The following APBB1 variants were observed in gnomAD, a reference collection of about 807,000 sequenced individuals.
APBB1 encodes the protein amyloid beta precursor protein binding family B member 1.
Under a neutral mutation model 78.4 loss-of-function variants are expected in APBB1, and 22 were observed. The ratio of observed to expected loss-of-function variants is 0.28; its 90% CI spans 0.20 to 0.40. The LOEUF (loss-of-function observed/expected upper bound fraction) is 0.40, where lower values mean the gene tolerates loss of function less well. Among genes scored for constraint, APBB1 ranks in the 10% least tolerant of loss-of-function variants. The probability of loss-of-function intolerance (pLI) is 1.00; values close to 1 mark genes in which losing one functional copy is unlikely to be tolerated. For missense variants in APBB1, 749 were observed against 932.4 expected, an observed-to-expected ratio of 0.80 and a Z score of 2.56; for synonymous variants, 369 against 372.7, an observed-to-expected ratio of 0.99 and a Z score of 0.12.
chr11:6,405,144 A>C, intron 2 of APBB1: 1 of 1,244,452 alleles, frequency 8.0e-7, no homozygotes, highest in Non-Finnish European at 1.0e-6. Context: ...TCAGTGCCTA[A>C]GCCAAGCCCA....
chr11:6,396,758 G>A (rs752650124), intron 12 of APBB1, among the ~76,000 whole-genome samples: 10 of 152,152 alleles, frequency 6.6e-5, no homozygotes, highest in African/African-American at 4.8e-5. Context: ...ATAAGGAAAC[G>A]GAAGAGATAG....
chr11:6,408,000 C>T (rs970668538), intron 2 of APBB1, among the ~76,000 whole-genome samples: 1 of 151,806 alleles, frequency 6.6e-6, no homozygotes, highest in African/African-American at 2.4e-5. Context: ...AGTATGGTCT[C>T]GATCTCCTGA....
chr11:6,399,711 G>T (rs946458897), intron 12 of APBB1, among the ~76,000 whole-genome samples: 1 of 152,188 alleles, frequency 6.6e-6, no homozygotes, highest in Non-Finnish European at 1.5e-5. Context: ...TGCACTCTCG[G>T]AGACTTCAAT....
intron 2 of APBB1, among the ~76,000 whole-genome samples, chr11:6,410,147 C>T (rs372444557): frequency 1.3e-5 from 2 of 151,734 alleles, no homozygotes; most frequent in East Asian, 3.9e-4. Flanking sequence ...TATGCATTGG[C>T]GGCAGCATAA....
At chr11:6,399,921 C>T (rs2099506894) in intron 12 of APBB1, among the ~76,000 whole-genome samples, 2 of 151,714 alleles carry the variant, frequency 1.3e-5, no homozygotes, top group Admixed American at 1.3e-4. Flanking sequence ...CACTTGACCG[C>T]ATTCACTTCT....
Position 6,403,133 on chromosome 11 carries a change from T to C in APBB1, c.1104+12A>G. ...GCCCCAGACTCAGAATGGGTGTCAGTCTTGAACAAACCTTGATCCCTGGGT... is the reference window on the plus strand; with the variant it reads ...GCCCCAGACTCAGAATGGGTGTCAGCCTTGAACAAACCTTGATCCCTGGGT... On this transcript the variant is annotated intron_variant, in intron 6 of 14. Coordinates refer to ENST00000609360, the MANE Select transcript of APBB1 (RefSeq NM_001164.5). The surrounding 1 kb of genome is among the most constrained non-coding windows in gnomAD (Gnocchi z 5.3). 1 of 1,606,036 alleles carries C rather than the reference T, an allele frequency of 6.2e-7. No homozygotes were observed. The highest frequency in any genetic ancestry group is 8.5e-7 in the Non-Finnish European group (1 of 1,176,480).
chr11:6,412,726 C>T (rs1384459591), intron 1 of APBB1, among the ~76,000 whole-genome samples: 1 of 152,168 alleles, frequency 6.6e-6, no homozygotes, highest in Non-Finnish European at 1.5e-5. Context: ...AGAGCAGGAA[C>T]TCCATTAATA....
At position 6,402,705 on chromosome 11, in the gene APBB1, T is replaced by G. The variant is rs1848588801; in HGVS notation, c.1125A>C (p.Leu375=). The G allele has an allele frequency of 6.2e-7, 1 of 1,613,938 alleles. No individual in the cohort carries two copies. The highest frequency in any genetic ancestry group is 8.5e-7 in the Non-Finnish European group (1 of 1,179,956). Residue 375 remains leucine, a synonymous_variant, in exon 7 of 15, where the codon CTA becomes CTC. Coordinates refer to ENST00000609360, the MANE Select transcript of APBB1 (RefSeq NM_001164.5). ...CCTCCTCGGTCATCTCTACCCAGCC[T>G]AGGGAGCGCACGGCGAAACACTGCC... The part of the protein sequence containing the change: ...PGIKCFAVRS[L]GWVEMTEEEL...
chr11:6,417,997 A>G (rs1425426354), intron 1 of APBB1, among the ~76,000 whole-genome samples: 1 of 152,244 alleles, frequency 6.6e-6, no homozygotes, highest in Non-Finnish European at 1.5e-5. Flanking sequence ...GGCTGGATAT[A>G]TAAATTTGGG....
chr11:6,396,048 A>C (rs780032838), intron 13 of APBB1, 52 bp downstream of exon 13: 36 of 1,599,222 alleles, frequency 2.3e-5, no homozygotes, highest in Non-Finnish European at 2.8e-5. Context: ...CCTCACCCCC[A>C]GTCTCCCCTC....
chr11:6,410,136 C>T (rs1387769595), intron 2 of APBB1, among the ~76,000 whole-genome samples: 2 of 151,694 alleles, frequency 1.3e-5, no homozygotes, highest in South Asian at 2.1e-4. Context: ...GCATTGTGCT[C>T]TATGCATTGG....
chr11:6,413,492 G>A (rs1036747160), intron 1 of APBB1, among the ~76,000 whole-genome samples: 24 of 152,144 alleles, frequency 1.6e-4, no homozygotes, highest in African/African-American at 5.6e-4. Flanking sequence ...ACCTGAGCAG[G>A]GCTTGCCCAT....
At chr11:6,400,109 C>T (rs1033108672) in intron 12 of APBB1, among the ~76,000 whole-genome samples, 1 of 152,106 alleles carries the variant, frequency 6.6e-6, no homozygotes, top group African/African-American at 2.4e-5. Flanking sequence ...CCTTCTATAA[C>T]CTCTAGGAAA....
rs192690591 is a variant in APBB1 at position 6,400,515 on chromosome 11, C to G, written c.1672+474G>C. On this transcript the variant is annotated intron_variant, in intron 12 of 14. Transcript: ENST00000609360. ...TAAGATCACGCCACCGCACTCCAGCCTGGCGGACAGAGCGAGACTTGTCTT... is the reference window on the plus strand; with the variant it reads ...TAAGATCACGCCACCGCACTCCAGCGTGGCGGACAGAGCGAGACTTGTCTT... Among the ~76,000 whole-genome samples the G allele has an allele frequency of 1.5e-4, 23 of 149,856 alleles. No homozygotes were observed. In the East Asian group the frequency reaches 4.5e-3, roughly 29 times the overall value.
chr11:6,404,179 T>C, intron 2 of APBB1: 1 of 354,596 alleles, frequency 2.8e-6, no homozygotes, highest in East Asian at 4.5e-5. Flanking sequence ...GAACACTTTC[T>C]AGCTCCTGCA....
At chr11:6,407,286 C>T (rs775922014) in intron 2 of APBB1, among the ~76,000 whole-genome samples, 8 of 152,196 alleles carry the variant, frequency 5.3e-5, no homozygotes, top group Non-Finnish European at 1.0e-4. Flanking sequence ...GCCACTCCAA[C>T]ATCCTTGCTG....
intron 2 of APBB1, chr11:6,405,536 C>T: frequency 4.1e-6 from 4 of 986,020 alleles, no homozygotes; most frequent in Non-Finnish European, 4.8e-6. Context: ...GACAGGCAGT[C>T]CCAAGACCCT....
At position 6,402,177 on chromosome 11, in the gene APBB1, C is replaced by A. The variant is rs1002078749; in HGVS notation, c.1287G>T (p.Glu429Asp). 1 of 1,613,930 alleles carries A rather than the reference C, an allele frequency of 6.2e-7. No homozygotes were observed. The highest frequency in any genetic ancestry group is 1.3e-5 in the African/African-American group (1 of 74,910). Reference sequence around the variant, plus strand: ...TCTGTGGCTCCACTAGCTTTAGTGTCTCATCCTCCAGCTGCAGTAGCAGAT... The same window carrying A: ...TCTGTGGCTCCACTAGCTTTAGTGTATCATCCTCCAGCTGCAGTAGCAGAT... ...GKDLLLQLED[E>D]TLKLVEPQSQ... is the part of the protein sequence containing the mutation. Residue 429 changes from glutamate to aspartate, a missense_variant, in exon 8 of 15, where the codon GAG (glutamate) becomes GAT (aspartate). Coordinates refer to ENST00000609360, the MANE Select transcript of APBB1 (RefSeq NM_001164.5).
At position 6,411,248 on chromosome 11, in the gene APBB1, G is replaced by T. The variant is rs1456655321; in HGVS notation, c.100C>A (p.Gln34Lys). Residue 34 changes from glutamine to lysine, a missense_variant, in exon 2 of 15, where the codon CAG becomes AAG. Physicochemically the swap from Gln to Lys is moderately conservative, Grantham distance 53. Around this residue, in one of 3 missense-constraint regions of APBB1, gnomAD observed 635 missense variants for 765.0 expected, o/e 0.83. Coordinates refer to ENST00000609360, the MANE Select transcript of APBB1 (RefSeq NM_001164.5). The surrounding 1 kb of genome is among the most constrained non-coding windows in gnomAD (Gnocchi z 5.2). ...LPLPLHAAHN[Q>K]LLNAKLQATA... ...GCCTGCAGCTTGGCGTTGAGCAGCT[G>T]GTTGTGGGCAGCGTGCAGAGGCAGG... The T allele has an allele frequency of 6.2e-7, 1 of 1,606,964 alleles. No homozygotes were observed. The highest frequency in any genetic ancestry group is 8.5e-7 in the Non-Finnish European group (1 of 1,177,360).
Sources: allele counts gnomAD v4.1 joint callset (sites outside exome capture counted in the v4.1 genomes callset), GRCh38; gene constraint gnomAD v4.1.1; regional missense constraint gnomAD v4.1.1; non-coding constraint Gnocchi (gnomAD v3.1); transcripts MANE v1.5; gene names NCBI Gene and HGNC (gene_info 2026-07-23, HGNC 2026-07-21).